RORA: variants seen among roughly 807,000 people sequenced by gnomAD.
RORA encodes RAR related orphan receptor A.
Under a neutral mutation model 69.5 loss-of-function variants are expected in RORA, and 7 were observed. The observed-to-expected ratio is 0.10, with a 90% confidence interval of 0.06 to 0.19. The LOEUF is 0.19. Among genes scored for constraint, RORA ranks in the 10% least tolerant of loss-of-function variants. The probability of loss-of-function intolerance (pLI) is 1.00; values close to 1 mark genes in which losing one functional copy is unlikely to be tolerated. For missense variants in RORA, 457 were observed against 663.0 expected (o/e 0.69, Z 3.41); for synonymous variants, 261 against 240.8 (o/e 1.08, Z -0.78).
chr15:60,667,923 C>T (rs974499474), intron 2 of RORA, among the ~76,000 whole-genome samples: 2 of 152,148 alleles, frequency 1.3e-5, no homozygotes, highest in Admixed American at 1.3e-4. Context: ...GCACCCAGCC[C>T]AAAGAGTATG....
chr15:60,990,699 C>G (rs28722772), intron 1 of RORA, among the ~76,000 whole-genome samples: 5 of 152,306 alleles, frequency 3.3e-5, no homozygotes, highest in Admixed American at 2.6e-4. Context: ...TGTATGCACA[C>G]ACACACACAT....
At chr15:60,937,743 T>A (rs1297458247) in intron 1 of RORA, among the ~76,000 whole-genome samples, 1 of 152,102 alleles carries the variant, frequency 6.6e-6, no homozygotes, top group Non-Finnish European at 1.5e-5. Context: ...TGTGTGACCT[T>A]GAGCAAATCA....
intron 1 of RORA, among the ~76,000 whole-genome samples, chr15:61,067,172 CA>C (rs2078275206): frequency 6.7e-6 from 1 of 150,316 alleles, no homozygotes; most frequent in South Asian, 2.1e-4. Context: ...AGTGCAGTGG[CA>C]TGATCTCAGT....
At chr15:60,825,180 C>T (rs1045910485) in intron 1 of RORA, among the ~76,000 whole-genome samples, 6 of 152,138 alleles carry the variant, frequency 3.9e-5, no homozygotes, top group African/African-American at 7.2e-5. Flanking sequence ...CCACTGTTAC[C>T]GAGCAGAACC....
chr15:61,132,209 T>G (rs958125855), intron 1 of RORA, among the ~76,000 whole-genome samples: 43 of 152,212 alleles, frequency 2.8e-4, no homozygotes, highest in African/African-American at 9.6e-4. Context: ...GAATTCAATT[T>G]GTTTTAATTT....
chr15:60,753,448 C>T (rs933169879), intron 1 of RORA, among the ~76,000 whole-genome samples: 9 of 152,148 alleles, frequency 5.9e-5, no homozygotes, highest in South Asian at 2.1e-4. Flanking sequence ...TATGTCCTAG[C>T]GGAACAGGGA....
chr15:60,892,667 C>T lies in RORA; in HGVS notation c.167-213981G>A, dbSNP rs533828848. On this transcript the variant is annotated intron_variant, in intron 1 of 10. Transcript: ENST00000335670. ...TAGAGGAAGTTGAAGCCACATTTTC[C>T]AACTTCATCCTTCACTCCTTTCACT... is the stretch of plus-strand genomic sequence containing the variant. 3.9e-5 allele frequency among the ~76,000 whole-genome samples: 6 copies of T among 152,288 alleles called. No homozygotes were observed. In the East Asian group the frequency reaches 1.2e-3, roughly 29 times the overall value.
chr15:60,864,143 C>A (rs2073461236), intron 1 of RORA, among the ~76,000 whole-genome samples: 1 of 152,130 alleles, frequency 6.6e-6, no homozygotes, highest in African/African-American at 2.4e-5. Flanking sequence ...AGGAGGCGGA[C>A]AACTGGGGTG....
At chr15:60,897,744 A>C (rs576819478) in intron 1 of RORA, among the ~76,000 whole-genome samples, 22 of 152,382 alleles carry the variant, frequency 1.4e-4, no homozygotes, top group Admixed American at 1.4e-3. Flanking sequence ...CTTAAATGAA[A>C]GAGGATGAAC....
At chr15:60,598,392 T>A (rs796853430) in intron 2 of RORA, 1 of 152,206 alleles carries the variant, frequency 6.6e-6, no homozygotes, top group Non-Finnish European at 1.5e-5. Flanking sequence ...TGTGAGAATT[T>A]TCTTCCGCTT....
intron 1 of RORA, among the ~76,000 whole-genome samples, chr15:61,090,072 T>G (rs779393437): frequency 2.6e-5 from 4 of 152,316 alleles, no homozygotes; most frequent in Middle Eastern, 3.4e-3. Flanking sequence ...GACTTTTCCT[T>G]CAGAGACATT....
At chr15:61,120,173 T>C (rs776228320) in intron 1 of RORA, among the ~76,000 whole-genome samples, 21 of 152,122 alleles carry the variant, frequency 1.4e-4, no homozygotes, top group Non-Finnish European at 2.5e-4. Flanking sequence ...TTGATATGGG[T>C]GGTGGCTAGA....
intron 1 of RORA, among the ~76,000 whole-genome samples, chr15:60,873,991 A>G (rs938822230): frequency 1.3e-5 from 2 of 152,098 alleles, no homozygotes; most frequent in South Asian, 4.1e-4. Flanking sequence ...CAAATAACCT[A>G]TTTTTTTCAA....
At chr15:61,180,067 C>A (rs1456212403) in intron 1 of RORA, among the ~76,000 whole-genome samples, 2 of 149,780 alleles carry the variant, frequency 1.3e-5, no homozygotes, top group East Asian at 2.0e-4. Flanking sequence ...TCACTTGAAC[C>A]CAGGAGGCAG....
intron 1 of RORA, among the ~76,000 whole-genome samples, chr15:60,835,469 CTGAT>C (rs576082036): frequency 3.7e-4 from 56 of 152,216 alleles, no homozygotes; most frequent in Non-Finnish European, 7.6e-4. Flanking sequence ...CATCAGCTCT[CTGAT>C]TGGCCTTCCA....
intron 1 of RORA, among the ~76,000 whole-genome samples, chr15:60,749,508 G>A (rs2071693638): frequency 6.6e-6 from 1 of 152,174 alleles, no homozygotes; most frequent in Non-Finnish European, 1.5e-5. Flanking sequence ...CTAAGAGAGG[G>A]AGAATAAGTT....
chr15:60,730,856 AT>A (rs56829764), intron 1 of RORA, among the ~76,000 whole-genome samples: 12,334 of 146,460 alleles, frequency 0.084, 828 homozygotes, highest in African/African-American at 0.18. Flanking sequence ...TAGGAAAAGA[AT>A]TTTTTTTTTT....
intron 1 of RORA, among the ~76,000 whole-genome samples, chr15:61,169,586 T>C (rs1198166414): frequency 6.6e-6 from 1 of 151,362 alleles, no homozygotes; most frequent in Non-Finnish European, 1.5e-5. Context: ...CCAGCCTTTC[T>C]AGCCTTGATG....
At chr15:60,915,775 T>C (rs1308442976) in intron 1 of RORA, among the ~76,000 whole-genome samples, 2 of 152,214 alleles carry the variant, frequency 1.3e-5, no homozygotes, top group Non-Finnish European at 2.9e-5. Context: ...CTCGCTCGAA[T>C]GTGGGTTCAA....
Sources: gnomAD v4.1 joint callset for allele counts (sites outside exome capture counted in the v4.1 genomes callset) on GRCh38, gnomAD v4.1.1 for gene constraint, MANE v1.5 for transcripts, NCBI Gene and HGNC (gene_info 2026-07-23, HGNC 2026-07-21) for gene names.